NVL: variants seen among roughly 807,000 people sequenced by gnomAD.
NVL encodes the protein nuclear VCP like.
NVL carries 84 observed loss-of-function variants against 110.2 expected under a neutral mutation model. That is an observed-to-expected ratio of 0.76 (90% CI 0.64 to 0.91). The LOEUF is 0.91. Among genes scored for constraint, NVL ranks in the 40% least tolerant of loss-of-function variants. The probability of loss-of-function intolerance (pLI) is 0.00; values close to 1 mark genes in which losing one functional copy is unlikely to be tolerated. For synonymous variants in NVL, 354 were observed against 361.1 expected (o/e 0.98, Z 0.22); for missense variants, 882 against 1,035.9 (o/e 0.85, Z 2.04).
At chr1:224,261,615 T>G (rs1663992658) in intron 18 of NVL, among the ~76,000 whole-genome samples, 1 of 152,116 alleles carries the variant, frequency 6.6e-6, no homozygotes, top group African/African-American at 2.4e-5. Context: ...GGAAGTTCGC[T>G]TATTTCCAGA....
At chr1:224,311,936 T>A in intron 4 of NVL, 79 bp from the exon 5 acceptor site, 2 of 1,069,274 alleles carry the variant, frequency 1.9e-6, no homozygotes. Flanking sequence ...AACAAGTAAA[T>A]ATATTCAGCC....
intron 19 of NVL, among the ~76,000 whole-genome samples, chr1:224,247,069 A>C (rs952768832): frequency 6.6e-6 from 1 of 151,944 alleles, no homozygotes; most frequent in African/African-American, 2.4e-5. Context: ...AAAAAAAAAA[A>C]AAAAACAGAG....
At chr1:224,317,616 C>A in intron 4 of NVL, 78 bp downstream of exon 4, 1 of 824,610 alleles carries the variant, frequency 1.2e-6, no homozygotes, top group South Asian at 1.5e-5. Flanking sequence ...CAATGAAGAG[C>A]CACTGAAAGT....
At chr1:224,279,639 C>A (rs1666121649) in intron 16 of NVL, among the ~76,000 whole-genome samples, 1 of 152,070 alleles carries the variant, frequency 6.6e-6, no homozygotes, top group African/African-American at 2.4e-5. Flanking sequence ...CGATTAATGA[C>A]CAGTCTTGCT....
At chr1:224,258,484 T>C (rs1310943969) in intron 18 of NVL, among the ~76,000 whole-genome samples, 1 of 152,222 alleles carries the variant, frequency 6.6e-6, no homozygotes, top group East Asian at 1.9e-4. Flanking sequence ...GAAAAGAGTT[T>C]AGCAGTTTCT....
At chr1:224,307,683 A>G (rs1669066410) in intron 6 of NVL, among the ~76,000 whole-genome samples, 1 of 129,782 alleles carries the variant, frequency 7.7e-6, no homozygotes, top group South Asian at 2.8e-4. Context: ...TCAGCGACAG[A>G]GCCAGACCCA....
chr1:224,261,757 G>A (rs1664009780), intron 18 of NVL, among the ~76,000 whole-genome samples: 1 of 151,924 alleles, frequency 6.6e-6, no homozygotes, highest in South Asian at 2.1e-4. Flanking sequence ...TTTGAGACCA[G>A]CCTGGGCAAC....
At chr1:224,277,290 G>A (rs1277398665) in intron 16 of NVL, among the ~76,000 whole-genome samples, 2 of 152,164 alleles carry the variant, frequency 1.3e-5, no homozygotes, top group East Asian at 1.9e-4. Context: ...AGCACACAGT[G>A]TGCAAATATA....
chr1:224,282,932 G>A (rs1666512525), intron 15 of NVL, among the ~76,000 whole-genome samples: 1 of 152,114 alleles, frequency 6.6e-6, no homozygotes, highest in African/African-American at 2.4e-5. Context: ...TAGGTTTCTA[G>A]GTTCTGACCT....
chr1:224,238,313 G>T (rs1317812560), intron 19 of NVL, among the ~76,000 whole-genome samples: 1 of 152,166 alleles, frequency 6.6e-6, no homozygotes, highest in African/African-American at 2.4e-5. Flanking sequence ...GATTACAGGT[G>T]AGGGCCACAG....
At chr1:224,329,362 G>T (rs77674430) in intron 1 of NVL, among the ~76,000 whole-genome samples, 1 of 151,942 alleles carries the variant, frequency 6.6e-6, no homozygotes, top group Non-Finnish European at 1.5e-5. Context: ...GGAAGGGGAG[G>T]TAAGAGAACA....
intron 18 of NVL, among the ~76,000 whole-genome samples, chr1:224,262,467 G>T (rs1571873594): frequency 1.3e-5 from 2 of 151,994 alleles, no homozygotes; most frequent in East Asian, 3.9e-4. Flanking sequence ...TGAAAGATAA[G>T]TACCAGCAAA....
chr1:224,240,001 G>A (rs982280550), intron 19 of NVL, among the ~76,000 whole-genome samples: 18 of 151,406 alleles, frequency 1.2e-4, no homozygotes, highest in Admixed American at 7.2e-4. Flanking sequence ...AGGTTCAAGC[G>A]ATTCTCCTGC....
Position 224,305,115 on chromosome 1 carries a change from G to A in NVL, c.667C>T (p.Leu223=), listed in dbSNP as rs2102705147. ...TTCCTTTTGCTTCCTTTATTCTTTA[G>A]CTTGCCTTTCCGTTTCATATCACTC... ...LESDMKRKGK[L]KNKGSKRKKE... The change falls in exon 7 of 23, where the codon CTA becomes TTA. Residue 223 remains leucine (L), a synonymous_variant. Transcript: ENST00000281701. 6.2e-7 allele frequency: 1 copy of A among 1,613,452 alleles called. No homozygotes were observed. Among genetic ancestry groups the A allele is most frequent in the East Asian group, 2.2e-5 (1 of 44,864 alleles).
At chr1:224,239,559 T>C (rs979360709) in intron 19 of NVL, among the ~76,000 whole-genome samples, 3 of 152,190 alleles carry the variant, frequency 2.0e-5, no homozygotes, top group African/African-American at 7.2e-5. Context: ...GTACGGATCT[T>C]CCCTAAGGAC....
At chr1:224,231,407 C>A in intron 21 of NVL, 111 bp from the exon 22 acceptor site, 1 of 760,138 alleles carries the variant, frequency 1.3e-6, no homozygotes, top group Non-Finnish European at 2.3e-6. Flanking sequence ...CTAAAGAGAT[C>A]AGTGATGAGA....
In NVL at chr1:224,275,416, G is replaced by A. The variant is rs183678662; in HGVS notation, c.2005C>T (p.Arg669Ter). 1.3e-5 allele frequency: 21 copies of A among 1,614,070 alleles called. No homozygotes were observed. Among genetic ancestry groups the A allele is most frequent in the Admixed American group, 8.3e-5 (5 of 60,006 alleles). The change falls in exon 17 of 23, where the codon CGA (arginine) becomes TGA (stop). Residue 669 changes from arginine to a stop codon, truncating the protein, a stop_gained. Coordinates refer to ENST00000281701, the MANE Select transcript of NVL (RefSeq NM_002533.4). LOFTEE classifies it high-confidence loss of function. ...SERAVRQVFQ[R>*]AKNSAPCVIF... ...ACACAGGGTGCTGAGTTCTTGGCTC[G>A]TTGAAAAACTTGTCGCACAGCACGT...
At chr1:224,282,680 G>A (rs1666479579) in intron 15 of NVL, among the ~76,000 whole-genome samples, 1 of 152,160 alleles carries the variant, frequency 6.6e-6, no homozygotes, top group African/African-American at 2.4e-5. Flanking sequence ...CCCCATCTAT[G>A]TTCCACTTAC....
At chr1:224,292,524 C>A (rs1667469804) in intron 12 of NVL, among the ~76,000 whole-genome samples, 1 of 152,198 alleles carries the variant, frequency 6.6e-6, no homozygotes, top group African/African-American at 2.4e-5. Context: ...GGCATCTATT[C>A]ATTGCCTCTG....
Sources: allele counts gnomAD v4.1 joint callset (sites outside exome capture counted in the v4.1 genomes callset), GRCh38; gene constraint gnomAD v4.1.1; transcripts MANE v1.5; gene names NCBI Gene and HGNC (gene_info 2026-07-23, HGNC 2026-07-21).